Variants in RDX observed in about 807,000 individuals in gnomAD.
RDX encodes the protein radixin.
A neutral mutation model predicts 83.7 loss-of-function variants in RDX; 32 were observed. The ratio of observed to expected loss-of-function variants is 0.38; its 90% CI spans 0.29 to 0.51. The LOEUF is 0.51. RDX is among the 20% of genes least tolerant of loss of function. RDX has a pLI of 0.87. For missense variants in RDX, 600 were observed against 689.9 expected (o/e 0.87, Z 1.46); for synonymous variants, 229 against 222.7 (o/e 1.03, Z -0.25).
At chr11:110,176,437 C>T (rs1862775550) in intron 15 of RDX, among the ~76,000 whole-genome samples, 1 of 152,134 alleles carries the variant, frequency 6.6e-6, no homozygotes, top group African/African-American at 2.4e-5. Context: ...CACATCCCAT[C>T]ATCTCCTGGC....
At chr11:110,273,286 A>T (rs992279672) in intron 2 of RDX, among the ~76,000 whole-genome samples, 1 of 152,250 alleles carries the variant, frequency 6.6e-6, no homozygotes, top group African/African-American at 2.4e-5. Flanking sequence ...TTTGAATGTG[A>T]TTCACTATCC....
chr11:110,267,515 A>AACACAC (rs71053877), intron 3 of RDX, among the ~76,000 whole-genome samples: 8,615 of 131,244 alleles, frequency 0.066, 298 homozygotes, highest in Middle Eastern at 0.096. Flanking sequence ...TCCGTCTCAA[A>AACACAC]ACACACACAC....
chr11:110,246,048 C>T (rs1031526316), intron 10 of RDX, among the ~76,000 whole-genome samples: 3 of 152,154 alleles, frequency 2.0e-5, no homozygotes, highest in African/African-American at 7.2e-5. Flanking sequence ...CAGGCATATG[C>T]CACCACACCT....
Position 110,257,747 on chromosome 11 carries a change from T to C in RDX, c.698+20A>G. 1 of 1,610,896 alleles carries C rather than the reference T, an allele frequency of 6.2e-7. No homozygotes were observed. The highest frequency in any genetic ancestry group is 1.3e-5 in the African/African-American group (1 of 74,962). On this transcript the variant is annotated intron_variant, in intron 7 of 13. Transcript: ENST00000645495. ...GACCACTGAACAATGACTAGTTCAC[T>C]ATGCAACTAATTTACTTACTTGTCG...
chr11:110,259,412 G>C (rs1859707204), intron 5 of RDX, among the ~76,000 whole-genome samples: 1 of 152,000 alleles, frequency 6.6e-6, no homozygotes, highest in South Asian at 2.1e-4. Context: ...CAGAAGCTGT[G>C]GTGTTAAAAT....
In RDX at chr11:110,263,964, G is replaced by C; in HGVS notation, c.463C>G (p.Gln155Glu). 1 of 1,612,986 alleles carries C rather than the reference G, an allele frequency of 6.2e-7. No individual in the cohort carries two copies. ...GCAAACGCATGTTTCACTTACCGCT[G>C]GGGTAGGAGTCTATCATTAGCCAGG... ...GYLANDRLLPQRVLEQHKLTK... is the reference protein window; with the variant it reads ...GYLANDRLLPERVLEQHKLTK... Residue 155 changes from glutamine to glutamate, a missense_variant, in exon 5 of 14, where the codon CAG becomes GAG. Physicochemically the swap from Gln to Glu is conservative, Grantham distance 29. Coordinates refer to ENST00000645495, the MANE Select transcript of RDX (RefSeq NM_002906.4).
intron 15 of RDX, among the ~76,000 whole-genome samples, chr11:110,189,243 T>TAAAAA (rs35450797): frequency 7.5e-3 from 267 of 35,474 alleles, no homozygotes; most frequent in Non-Finnish European, 9.7e-3. Flanking sequence ...GAACAACAGG[T>TAAAAA]AAAAAAAAAA....
chr11:110,228,935 AT>A (rs1274005204), downstream of RDX, among the ~76,000 whole-genome samples: 2 of 150,854 alleles, frequency 1.3e-5, no homozygotes, highest in Non-Finnish European at 2.9e-5. Flanking sequence ...CAACAAAAAA[AT>A]CTAGCTTTTA....
intron 7 of RDX, among the ~76,000 whole-genome samples, chr11:110,256,356 CCT>C (rs1316872375): frequency 6.6e-6 from 1 of 152,024 alleles, no homozygotes; most frequent in African/African-American, 2.4e-5. Context: ...TCTAATGGCC[CCT>C]GATATAAGTC....
At chr11:110,178,641 T>C (rs1465653346) in intron 15 of RDX, among the ~76,000 whole-genome samples, 1 of 152,118 alleles carries the variant, frequency 6.6e-6, no homozygotes, top group Non-Finnish European at 1.5e-5. Flanking sequence ...GCAGAAAATA[T>C]AAAAGTCAGA....
At chr11:110,223,382 A>G (rs1046140395) in intron 14 of RDX, among the ~76,000 whole-genome samples, 1 of 152,046 alleles carries the variant, frequency 6.6e-6, no homozygotes, top group African/African-American at 2.4e-5. Flanking sequence ...CAAAAAAATT[A>G]GCCAGGCATG....
At chr11:110,202,699 C>T (rs953226499) in intron 14 of RDX, among the ~76,000 whole-genome samples, 3 of 149,714 alleles carry the variant, frequency 2.0e-5, no homozygotes, top group Non-Finnish European at 4.4e-5. Context: ...CCTGGGATTA[C>T]AAGCATGAGC....
intron 2 of RDX, among the ~76,000 whole-genome samples, 166 bp downstream of exon 2, chr11:110,279,515 C>G (rs1181195955): frequency 8.5e-5 from 13 of 152,142 alleles, no homozygotes; most frequent in Non-Finnish European, 8.8e-5. Context: ...AACAGAGCAA[C>G]ACTGTGTTTC....
chr11:110,243,980 T>C (rs1257573296), intron 10 of RDX, among the ~76,000 whole-genome samples: 1 of 152,098 alleles, frequency 6.6e-6, no homozygotes, highest in Non-Finnish European at 1.5e-5. Context: ...AGTTACCACA[T>C]GACCCAGCAA....
At chr11:110,284,697 G>T (rs1443949291) in intron 1 of RDX, among the ~76,000 whole-genome samples, 1 of 151,470 alleles carries the variant, frequency 6.6e-6, no homozygotes, top group Non-Finnish European at 1.5e-5. Flanking sequence ...ATTTTTTTTT[G>T]TATTTTTAGT....
intron 9 of RDX, among the ~76,000 whole-genome samples, chr11:110,252,484 G>A (rs1431105063): frequency 6.6e-6 from 1 of 152,146 alleles, no homozygotes; most frequent in Non-Finnish European, 1.5e-5. Context: ...ATGAGTATGA[G>A]ATACAGGAAC....
intron 2 of RDX, among the ~76,000 whole-genome samples, chr11:110,278,287 T>C (rs1860598242): frequency 6.6e-6 from 1 of 152,104 alleles, no homozygotes; most frequent in South Asian, 2.1e-4. Flanking sequence ...CATATATTAA[T>C]ATATTTTAGA....
chr11:110,289,587 G>T (rs1163479299), intron 1 of RDX, among the ~76,000 whole-genome samples: 1 of 152,072 alleles, frequency 6.6e-6, no homozygotes, highest in East Asian at 1.9e-4. Flanking sequence ...AACCACAGCT[G>T]AGATTTTCTA....
intron 15 of RDX, among the ~76,000 whole-genome samples, chr11:110,188,323 TAATAATAATAATAAC>T (rs1379186743): frequency 6.7e-6 from 1 of 148,390 alleles, no homozygotes; most frequent in African/African-American, 2.5e-5. Flanking sequence ...ATAATAATAA[TAATAATAATAATAAC>T]AATAATAATG....
Sources: allele counts gnomAD v4.1 joint callset (sites outside exome capture counted in the v4.1 genomes callset), GRCh38; gene constraint gnomAD v4.1.1; transcripts MANE v1.5; gene names NCBI Gene and HGNC (gene_info 2026-07-23, HGNC 2026-07-21).